Variants in UCMA observed in about 807,000 individuals in gnomAD.
UCMA encodes upper zone of growth plate and cartilage matrix associated.
UCMA carries 21 observed loss-of-function variants against 21.8 expected under a neutral mutation model. The ratio of observed to expected loss-of-function variants is 0.97; its 90% confidence interval spans 0.68 to 1.39. The LOEUF is 1.39. Ranked by LOEUF, UCMA falls within the 40% of genes most tolerant of loss-of-function variation. The pLI, the probability that UCMA is intolerant of heterozygous loss-of-function variation, is 0.00. For synonymous variants in UCMA, 76 were observed against 67.9 expected, an observed-to-expected ratio of 1.12 and a Z score of -0.58; for missense variants, 193 against 178.9, an observed-to-expected ratio of 1.08 and a Z score of -0.45.
intron 4 of UCMA, among the ~76,000 whole-genome samples, chr10:13,228,858 T>C (rs572207992): frequency 1.3e-5 from 2 of 152,148 alleles, no homozygotes; most frequent in East Asian, 1.9e-4. Flanking sequence ...CCCAAGCCAA[T>C]GGGAATAAGG....
chr10:13,222,025 G>A lies in UCMA; in HGVS notation c.*78C>T. On this transcript the variant is annotated 3_prime_UTR_variant, in exon 5 of 5. Transcript: ENST00000378681. ...CTGAGACCCTCTGAAGGGCCGGTTT[G>A]CATGGGAAAGATTGCTGGAACACGG... is the stretch of plus-strand genomic sequence containing the variant. 1.3e-6 allele frequency: 2 copies of A among 1,524,256 alleles called. No homozygotes were observed. 94.4% of individuals were successfully genotyped at this position (1,524,256 alleles called of 1,614,324 possible).
chr10:13,227,166 C>T (rs1834833072), intron 4 of UCMA, among the ~76,000 whole-genome samples: 1 of 152,178 alleles, frequency 6.6e-6, no homozygotes, highest in Admixed American at 6.5e-5. Context: ...CAGGCCTCAG[C>T]CAGGTGCACC....
At chr10:13,229,361 C>A (rs1204897756) in intron 4 of UCMA, among the ~76,000 whole-genome samples, 1 of 151,764 alleles carries the variant, frequency 6.6e-6, no homozygotes, top group Non-Finnish European at 1.5e-5. Flanking sequence ...ACTAAATATA[C>A]AAAAATTAGC....
intron 4 of UCMA, among the ~76,000 whole-genome samples, 182 bp from the exon 5 acceptor site, chr10:13,222,382 A>G (rs1234322134): frequency 6.6e-6 from 1 of 152,198 alleles, no homozygotes; most frequent in African/African-American, 2.4e-5. Context: ...AGCCTTGTGT[A>G]TAAGTCAGGC....
At chr10:13,233,822 T>A in intron 1 of UCMA, 22 bp from the exon 2 acceptor site, 1 of 1,613,010 alleles carries the variant, frequency 6.2e-7, no homozygotes, top group East Asian at 2.2e-5. Context: ...GGGCACAGAG[T>A]GAGGCTGCAG....
chr10:13,234,039 T>C (rs1834937107), intron 1 of UCMA, among the ~76,000 whole-genome samples, 162 bp downstream of exon 1: 1 of 152,080 alleles, frequency 6.6e-6, no homozygotes. Context: ...ATTATTTTTC[T>C]GTATTGCATT....
At chr10:13,222,307 A>G in intron 4 of UCMA, 107 bp from the exon 5 acceptor site, 2 of 944,140 alleles carry the variant, frequency 2.1e-6, no homozygotes. Flanking sequence ...CTGCACTGAG[A>G]GTGTTTGTGA....
intron 3 of UCMA, among the ~76,000 whole-genome samples, chr10:13,232,130 C>G (rs1221509470): frequency 7.0e-6 from 1 of 143,278 alleles, no homozygotes; most frequent in East Asian, 2.3e-4. Context: ...TCTCAGCACT[C>G]TAAGAGGCCG....
At chr10:13,231,363 A>G (rs1834897136) in intron 3 of UCMA, among the ~76,000 whole-genome samples, 1 of 152,164 alleles carries the variant, frequency 6.6e-6, no homozygotes, top group Non-Finnish European at 1.5e-5. Context: ...ATTCAGGCTC[A>G]GAGATGTGCA....
chr10:13,225,601 G>C (rs559851344), intron 4 of UCMA, among the ~76,000 whole-genome samples: 1 of 151,370 alleles, frequency 6.6e-6, no homozygotes, highest in African/African-American at 2.4e-5. Context: ...CTTGAACCCC[G>C]GAGGAGGAGG....
intron 4 of UCMA, among the ~76,000 whole-genome samples, chr10:13,226,118 T>C (rs942395779): frequency 1.3e-5 from 2 of 152,172 alleles, no homozygotes; most frequent in Non-Finnish European, 2.9e-5. Context: ...GGGGTTCTAA[T>C]GCTAGGGCTA....
chr10:13,232,552 A>G (rs756674508), intron 3 of UCMA, among the ~76,000 whole-genome samples: 1 of 152,006 alleles, frequency 6.6e-6, no homozygotes, highest in Non-Finnish European at 1.5e-5. Context: ...CTCCAGTTGT[A>G]TGAGGCCTGG....
chr10:13,232,395 A>G lies in UCMA; in HGVS notation c.220+1143T>C, dbSNP rs958469731. Among the ~76,000 whole-genome samples, 18 of 108,326 alleles carry G rather than the reference A, an allele frequency of 1.7e-4. No homozygotes were observed. The East Asian group carries it at 7.1e-3, about 43-fold the overall frequency. The allele number at this position is 108,326 out of a possible 152,430, so 71.1% of individuals were successfully genotyped here. A position where few individuals can be genotyped will look rare whatever the true frequency, so the allele number is the denominator to read the frequency against. On this transcript the variant is annotated intron_variant, in intron 3 of 4. Coordinates refer to ENST00000378681, the MANE Select transcript of UCMA (RefSeq NM_145314.3). The stretch of plus-strand genomic sequence containing the variant: ...TCAAAAAAAAAAAAAAAAAAAAAAA[A>G]GAGGACAGAAGCTATTTGCCTGGCC...
intron 3 of UCMA, among the ~76,000 whole-genome samples, chr10:13,232,315 T>C (rs888090939): frequency 7.7e-6 from 1 of 130,442 alleles, no homozygotes; most frequent in African/African-American, 3.0e-5. Flanking sequence ...GAGGTTGCAA[T>C]GAGCCAAGAT....
intron 3 of UCMA, among the ~76,000 whole-genome samples, chr10:13,231,901 G>T (rs558076989): frequency 6.6e-6 from 1 of 152,274 alleles, no homozygotes; most frequent in South Asian, 2.1e-4. Flanking sequence ...GCATCGCTGG[G>T]CACTGCCCTC....
At chr10:13,225,740 A>C (rs1834816650) in intron 4 of UCMA, among the ~76,000 whole-genome samples, 1 of 150,988 alleles carries the variant, frequency 6.6e-6, no homozygotes. Context: ...CAGGGTCCTG[A>C]CTGACAGGTA....
intron 3 of UCMA, among the ~76,000 whole-genome samples, 167 bp from the exon 4 acceptor site, chr10:13,229,876 C>G (rs1834876633): frequency 6.6e-6 from 1 of 152,082 alleles, no homozygotes; most frequent in Non-Finnish European, 1.5e-5. Context: ...CTGACACAGA[C>G]TTTAAAACTT....
intron 4 of UCMA, among the ~76,000 whole-genome samples, chr10:13,225,458 TG>T (rs1477308859): frequency 6.6e-6 from 1 of 152,024 alleles, no homozygotes; most frequent in Non-Finnish European, 1.5e-5. Context: ...GCAGATCACC[TG>T]AAGTCAGGAG....
At position 13,233,524 on chromosome 10, in the gene UCMA, TC is replaced by T. The variant is rs1400705804; in HGVS notation, c.220+13del. 6.2e-7 allele frequency: 1 copy of T among 1,611,614 alleles called. No individual in the cohort carries two copies. The highest frequency in any genetic ancestry group is 1.3e-5 in the African/African-American group (1 of 74,826). On this transcript the variant is annotated intron_variant, in intron 3 of 4. Transcript: ENST00000378681. ...GGTGATGGACGCGGGATGGGGTCCCTCCAGCATCCTTACCATTGACCTCATC... is the reference window on the plus strand; with the variant it reads ...GGTGATGGACGCGGGATGGGGTCCCTCAGCATCCTTACCATTGACCTCATC...
Sources: allele counts gnomAD v4.1 joint callset (sites outside exome capture counted in the v4.1 genomes callset), GRCh38; gene constraint gnomAD v4.1.1; transcripts MANE v1.5; gene names NCBI Gene and HGNC (gene_info 2026-07-23, HGNC 2026-07-21).